Variants in ADAMTSL1 observed in about 807,000 individuals in gnomAD.
The protein encoded by ADAMTSL1 is ADAMTS-like protein 1.
ADAMTSL1 carries 126 observed loss-of-function variants against 201.8 expected under a neutral mutation model. That is an observed-to-expected ratio of 0.62 (90% CI 0.54 to 0.72). The LOEUF is 0.72. Among genes scored for constraint, ADAMTSL1 ranks in the 30% least tolerant of loss-of-function variants. The probability of loss-of-function intolerance (pLI) is 0.00; values close to 1 mark genes in which losing one functional copy is unlikely to be tolerated. For synonymous variants in ADAMTSL1, 1,121 were observed against 903.4 expected, an observed-to-expected ratio of 1.24 and a Z score of -4.32; for missense variants, 2,679 against 2,277.8, an observed-to-expected ratio of 1.18 and a Z score of -3.59.
chr9:18,110,702 G>A (rs1354111517), intron 1 of ADAMTSL1, among the ~76,000 whole-genome samples: 2 of 152,134 alleles, frequency 1.3e-5, no homozygotes, highest in African/African-American at 4.8e-5. Flanking sequence ...AGTGGCAATG[G>A]CCCTTTATGC....
At chr9:18,509,424 C>T (rs1381118526) in intron 2 of ADAMTSL1, among the ~76,000 whole-genome samples, 1 of 152,086 alleles carries the variant, frequency 6.6e-6, no homozygotes, top group Non-Finnish European at 1.5e-5. Flanking sequence ...TTCATTGCCA[C>T]AGTAATGCTG....
At chr9:18,200,719 G>A (rs1365649785) in intron 2 of ADAMTSL1, among the ~76,000 whole-genome samples, 3 of 151,866 alleles carry the variant, frequency 2.0e-5, no homozygotes, top group African/African-American at 7.3e-5. Context: ...TTCCAAATGA[G>A]TTATGTTTAA....
intron 12 of ADAMTSL1, 81 bp downstream of exon 12, chr9:18,682,040 T>G: frequency 7.0e-7 from 1 of 1,432,914 alleles, no homozygotes; most frequent in Non-Finnish European, 9.5e-7. Flanking sequence ...GGAATATTTT[T>G]AAGTATCCCA....
At chr9:18,673,702 A>T (rs969828999) in intron 9 of ADAMTSL1, among the ~76,000 whole-genome samples, 2 of 152,206 alleles carry the variant, frequency 1.3e-5, no homozygotes, top group African/African-American at 2.4e-5. Flanking sequence ...AATATTGAAG[A>T]TGACAAATTA....
chr9:18,902,477 G>A (rs10963827), intron 26 of ADAMTSL1, among the ~76,000 whole-genome samples: 15,531 of 152,192 alleles, frequency 0.1, 875 homozygotes, highest in Middle Eastern at 0.21. Context: ...TCACAAATAC[G>A]TGGAAATCAA....
intron 20 of ADAMTSL1, among the ~76,000 whole-genome samples, chr9:18,797,776 T>C (rs1005047893): frequency 8.5e-5 from 13 of 152,204 alleles, no homozygotes; most frequent in African/African-American, 2.4e-4. Flanking sequence ...TTAAGTAAGA[T>C]TGCACGTGTG....
intron 3 of ADAMTSL1, among the ~76,000 whole-genome samples, chr9:18,541,003 C>A (rs1479443250): frequency 6.6e-6 from 1 of 152,144 alleles, no homozygotes; most frequent in African/African-American, 2.4e-5. Flanking sequence ...TCTTTCCTGA[C>A]CTACCCAGCT....
At chr9:18,255,453 C>G (rs889506031) in intron 2 of ADAMTSL1, among the ~76,000 whole-genome samples, 1 of 152,114 alleles carries the variant, frequency 6.6e-6, no homozygotes, top group Non-Finnish European at 1.5e-5. Context: ...AGAAAGAAGG[C>G]TTTGTTTTTT....
At chr9:18,405,800 T>C (rs1488879629) in intron 2 of ADAMTSL1, among the ~76,000 whole-genome samples, 1 of 152,210 alleles carries the variant, frequency 6.6e-6, no homozygotes, top group Non-Finnish European at 1.5e-5. Flanking sequence ...ATATCACTCA[T>C]ATTAATTAAT....
chr9:18,804,795 C>T (rs1453806038), intron 20 of ADAMTSL1, among the ~76,000 whole-genome samples: 1 of 152,106 alleles, frequency 6.6e-6, no homozygotes, highest in Admixed American at 6.6e-5. Context: ...TGTGAGAAAC[C>T]TGTGACAATT....
intron 4 of ADAMTSL1, among the ~76,000 whole-genome samples, chr9:18,578,972 A>C (rs1007242886): frequency 1.2e-4 from 18 of 151,436 alleles, no homozygotes; most frequent in African/African-American, 4.4e-4. Context: ...CATTTCTCTG[A>C]TGGCCAGTGA....
At chr9:18,080,933 A>G (rs1362917987) in intron 1 of ADAMTSL1, among the ~76,000 whole-genome samples, 1 of 152,204 alleles carries the variant, frequency 6.6e-6, no homozygotes, top group Non-Finnish European at 1.5e-5. Context: ...TAATTCTAAC[A>G]TATTTATTAA....
At chr9:18,393,767 A>G (rs1817628707) in intron 2 of ADAMTSL1, among the ~76,000 whole-genome samples, 1 of 152,118 alleles carries the variant, frequency 6.6e-6, no homozygotes, top group Non-Finnish European at 1.5e-5. Context: ...TCTCCTGTTA[A>G]ATGCCCCAGT....
chr9:18,587,419 G>T (rs1823579497), intron 4 of ADAMTSL1, among the ~76,000 whole-genome samples: 1 of 151,964 alleles, frequency 6.6e-6, no homozygotes, highest in African/African-American at 2.4e-5. Context: ...TGGTATACAA[G>T]GTGTGAAGAC....
intron 1 of ADAMTSL1, among the ~76,000 whole-genome samples, chr9:18,030,384 C>A (rs1345358109): frequency 5.3e-5 from 8 of 151,998 alleles, no homozygotes; most frequent in Non-Finnish European, 1.5e-5. Context: ...ACATCACACA[C>A]CGGGGACTGT....
chr9:18,286,355 C>T (rs1351452632), intron 2 of ADAMTSL1, among the ~76,000 whole-genome samples: 1 of 152,132 alleles, frequency 6.6e-6, no homozygotes, highest in Non-Finnish European at 1.5e-5. Context: ...ACTTATTTAA[C>T]TTCCTTTGAA....
At chr9:17,949,824 T>C (rs1014089539) in intron 1 of ADAMTSL1, among the ~76,000 whole-genome samples, 1 of 152,162 alleles carries the variant, frequency 6.6e-6, no homozygotes, top group Non-Finnish European at 1.5e-5. Flanking sequence ...TGTGACATGA[T>C]TTCCTGAAAA....
At chr9:18,852,431 A>C (rs1224807569) in intron 23 of ADAMTSL1, among the ~76,000 whole-genome samples, 1 of 152,204 alleles carries the variant, frequency 6.6e-6, no homozygotes, top group Non-Finnish European at 1.5e-5. Context: ...CTGGAAGTGG[A>C]AAAATCAGGA....
intron 1 of ADAMTSL1, among the ~76,000 whole-genome samples, chr9:17,949,059 C>T (rs1349839560): frequency 6.6e-6 from 1 of 152,188 alleles, no homozygotes; most frequent in Non-Finnish European, 1.5e-5. Flanking sequence ...ATTCCAGTAT[C>T]TGAAAACCCT....
Sources: allele counts gnomAD v4.1 joint callset (sites outside exome capture counted in the v4.1 genomes callset), GRCh38; gene constraint gnomAD v4.1.1; transcripts MANE v1.5; gene names NCBI Gene and HGNC (gene_info 2026-07-23, HGNC 2026-07-21).